Variants in SBF2 observed in about 807,000 individuals in gnomAD.
The protein encoded by SBF2 is SET binding factor 2.
In SBF2, 112 loss-of-function variants were observed where a neutral mutation model predicts 225.2. The ratio of observed to expected loss-of-function variants is 0.50; its 90% CI spans 0.43 to 0.58. The LOEUF (loss-of-function observed/expected upper bound fraction) is 0.58. Among genes scored for constraint, SBF2 ranks in the 20% least tolerant of loss-of-function variants. SBF2 has a pLI of 0.00. For missense variants in SBF2, 1,996 were observed against 2,206.2 expected (o/e 0.90, Z 1.91); for synonymous variants, 763 against 773.3 (o/e 0.99, Z 0.22).
At chr11:10,014,364 T>TCC (rs1948564756) in intron 6 of SBF2, among the ~76,000 whole-genome samples, 3 of 152,096 alleles carry the variant, frequency 2.0e-5, no homozygotes, top group Non-Finnish European at 4.4e-5. Flanking sequence ...CCACAGGGTA[T>TCC]CCCTCACTAT....
upstream of SBF2, among the ~76,000 whole-genome samples, chr11:10,295,505 T>C (rs573418179): frequency 6.6e-6 from 1 of 152,182 alleles, no homozygotes; most frequent in East Asian, 1.9e-4. Flanking sequence ...AGGACCTCTA[T>C]GTCAGTTGCT....
intron 1 of SBF2, among the ~76,000 whole-genome samples, chr11:10,200,143 C>A (rs759663655): frequency 1.3e-5 from 2 of 152,138 alleles, no homozygotes; most frequent in Non-Finnish European, 2.9e-5. Context: ...AGAATATGGA[C>A]TCAGGATCCA....
At chr11:9,848,681 G>C (rs1856720388) in intron 22 of SBF2, among the ~76,000 whole-genome samples, 1 of 152,222 alleles carries the variant, frequency 6.6e-6, no homozygotes, top group Non-Finnish European at 1.5e-5. Context: ...AAAATTGTAA[G>C]TACTGCATAG....
intron 1 of SBF2, chr11:10,302,514 A>G (rs7924631): frequency 0.5 from 75,566 of 152,158 alleles, 19,042 homozygotes; most frequent in Non-Finnish European, 0.54. Context: ...AGGCTGATAA[A>G]GTGCATGCCA....
chr11:9,865,035 T>A (rs1005577604), intron 17 of SBF2, among the ~76,000 whole-genome samples: 3 of 152,140 alleles, frequency 2.0e-5, no homozygotes, highest in Admixed American at 2.0e-4. Context: ...CTCAGCCTCC[T>A]GAGTAGCTGA....
rs1851912278 is a variant in SBF2, at chr11:9,780,018, G to C, written c.*400C>G. 1 of 285,416 alleles carries C rather than the reference G, an allele frequency of 3.5e-6. No homozygotes were observed. The highest frequency in any genetic ancestry group is 4.4e-5 in the Admixed American group (1 of 22,888). The allele number at this position is 285,416 out of a possible 1,614,324, so 17.7% of individuals were successfully genotyped here. On this transcript the variant is annotated 3_prime_UTR_variant, in exon 40 of 40. Coordinates refer to ENST00000256190, the MANE Select transcript of SBF2 (RefSeq NM_030962.4). ...ATATGAGACAATCTTGGAGGGTTTT[G>C]ATTTTTGCTTGTTAAACAGGTCTCC...
intron 21 of SBF2, 114 bp downstream of exon 21, chr11:9,852,562 C>T: frequency 1.3e-6 from 1 of 787,430 alleles, no homozygotes. Flanking sequence ...ATCATTAAAA[C>T]TGGAGTTAGT....
chr11:10,154,159 T>C (rs1024589171), intron 2 of SBF2, among the ~76,000 whole-genome samples: 19 of 151,986 alleles, frequency 1.3e-4, no homozygotes, highest in Non-Finnish European at 1.9e-4. Context: ...TGTAGGTCTT[T>C]TGCATTTACA....
chr11:9,980,589 ATT>A (rs547262918), intron 13 of SBF2, among the ~76,000 whole-genome samples: 2 of 145,522 alleles, frequency 1.4e-5, no homozygotes, highest in East Asian at 2.0e-4. Flanking sequence ...GAACTTAAGA[ATT>A]TTTTTTTTTT....
chr11:9,898,196 A>T (rs1476524475), intron 16 of SBF2, among the ~76,000 whole-genome samples: 1 of 151,998 alleles, frequency 6.6e-6, no homozygotes, highest in Admixed American at 6.6e-5. Context: ...AAAGGAAGAA[A>T]CTTTCTTTCA....
intron 16 of SBF2, among the ~76,000 whole-genome samples, chr11:9,943,765 T>C (rs1865415007): frequency 1.3e-5 from 2 of 152,146 alleles, no homozygotes; most frequent in Admixed American, 1.3e-4. Flanking sequence ...CAATAGAAAC[T>C]CTCATATATT....
intron 2 of SBF2, among the ~76,000 whole-genome samples, chr11:10,049,711 G>A (rs1949995199): frequency 6.6e-6 from 1 of 152,168 alleles, no homozygotes; most frequent in African/African-American, 2.4e-5. Flanking sequence ...AAAGGGTACT[G>A]AGACTAAAAG....
At chr11:10,146,554 T>A (rs895025556) in intron 2 of SBF2, among the ~76,000 whole-genome samples, 3 of 152,084 alleles carry the variant, frequency 2.0e-5, no homozygotes, top group African/African-American at 7.2e-5. Flanking sequence ...CTTCGTTACA[T>A]CACATACAAA....
chr11:10,055,568 C>T (rs1950227376), intron 2 of SBF2, among the ~76,000 whole-genome samples: 1 of 130,934 alleles, frequency 7.6e-6, no homozygotes, highest in South Asian at 2.5e-4. Context: ...CACACACACA[C>T]ACACCATGGA....
chr11:10,038,563 A>G (rs1036784270), intron 3 of SBF2, among the ~76,000 whole-genome samples: 25 of 151,958 alleles, frequency 1.6e-4, no homozygotes, highest in African/African-American at 5.3e-4. Context: ...TGTTTCACTG[A>G]ATGATACTTA....
At position 10,229,632 on chromosome 11, in the gene SBF2, T is replaced by A. The variant is rs925727504; in HGVS notation, c.56-35645A>T. Among the ~76,000 whole-genome samples the A allele has an allele frequency of 2.9e-3, 435 of 152,294 alleles. 1 individual carries two copies. Among genetic ancestry groups the A allele is most frequent in the Non-Finnish European group, 4.8e-3 (329 of 68,026 alleles). ...ATGTAGTTGAGTGGTTTTGAGTGAGTTTCTTAATCCTGAGTTCTAGTTTGA... is the reference window on the plus strand; with the variant it reads ...ATGTAGTTGAGTGGTTTTGAGTGAGATTCTTAATCCTGAGTTCTAGTTTGA... On this transcript the variant is annotated intron_variant, in intron 1 of 39. Coordinates refer to ENST00000256190, the MANE Select transcript of SBF2 (RefSeq NM_030962.4).
chr11:10,150,716 G>A (rs1955136367), intron 2 of SBF2, among the ~76,000 whole-genome samples: 1 of 151,950 alleles, frequency 6.6e-6, no homozygotes, highest in Admixed American at 6.6e-5. Flanking sequence ...TAACATAAAT[G>A]TCCCACATAT....
intron 28 of SBF2, among the ~76,000 whole-genome samples, chr11:9,822,555 C>T (rs1423832393): frequency 2.0e-5 from 3 of 152,142 alleles, no homozygotes; most frequent in South Asian, 4.1e-4. Flanking sequence ...CCACCGCACC[C>T]GGCCACTAAA....
chr11:9,930,462 T>C (rs769412218), intron 16 of SBF2, among the ~76,000 whole-genome samples: 9 of 152,156 alleles, frequency 5.9e-5, no homozygotes, highest in Non-Finnish European at 1.0e-4. Context: ...GGAATGGGTA[T>C]AGAGGCAGGG....
Sources: allele counts gnomAD v4.1 joint callset (sites outside exome capture counted in the v4.1 genomes callset), GRCh38; gene constraint gnomAD v4.1.1; transcripts MANE v1.5; gene names NCBI Gene and HGNC (gene_info 2026-07-23, HGNC 2026-07-21).